The following DLGAP2 variants were observed in gnomAD, a reference collection of about 807,000 sequenced individuals.
DLGAP2 encodes disks large-associated protein 2.
In DLGAP2, 26 loss-of-function variants were observed where a neutral mutation model predicts 100.3. The ratio of observed to expected loss-of-function variants is 0.26; its 90% CI spans 0.19 to 0.36. The LOEUF (loss-of-function observed/expected upper bound fraction) is 0.36, where lower values mean the gene tolerates loss of function less well. DLGAP2 is among the 10% of genes least tolerant of loss of function. The probability of loss-of-function intolerance (pLI) is 1.00; values close to 1 mark genes in which losing one functional copy is unlikely to be tolerated. For synonymous variants in DLGAP2, 886 were observed against 630.1 expected, an observed-to-expected ratio of 1.41 and a Z score of -6.08; for missense variants, 1,858 against 1,453.2, an observed-to-expected ratio of 1.28 and a Z score of -4.53.
At chr8:1,301,982 AATTAAGTC>A (rs1274852138) in intron 3 of DLGAP2, 2 of 152,198 alleles carry the variant, frequency 1.3e-5, no homozygotes, top group African/African-American at 4.8e-5. Flanking sequence ...AATCTTTGGT[AATTAAGTC>A]AGGTGTCGTG....
intron 1 of DLGAP2, among the ~76,000 whole-genome samples, chr8:826,882 C>G (rs117398058): frequency 0.011 from 1,696 of 152,302 alleles, 19 homozygotes; most frequent in Non-Finnish European, 0.017. Context: ...TCCAGCCTCG[C>G]ACCAGTCTTT....
intron 2 of DLGAP2, among the ~76,000 whole-genome samples, chr8:1,046,498 GAT>G (rs1405512331): frequency 6.6e-6 from 1 of 152,146 alleles, no homozygotes; most frequent in Non-Finnish European, 1.5e-5. Context: ...AATAAAAAGA[GAT>G]ATTAAAGAGA....
chr8:1,083,428 G>A (rs950096458), intron 2 of DLGAP2, among the ~76,000 whole-genome samples: 2 of 152,140 alleles, frequency 1.3e-5, no homozygotes, highest in Non-Finnish European at 2.9e-5. Flanking sequence ...CAGATCTTAC[G>A]GGGGGTTTGA....
intron 8 of DLGAP2, among the ~76,000 whole-genome samples, chr8:1,645,215 T>G (rs1798013693): frequency 6.6e-6 from 1 of 152,270 alleles, no homozygotes; most frequent in South Asian, 2.1e-4. Context: ...TACAATTTTT[T>G]AACCTTATAA....
Position 1,697,252 on chromosome 8 carries a change from C to T in DLGAP2, c.2902C>T (p.Arg968Trp), listed in dbSNP as rs756769347. The change falls in exon 14 of 15, where the codon CGG becomes TGG. Residue 968 changes from arginine (R) to tryptophan (W), a missense_variant. Transcript: ENST00000637795. ...DVSMKFDELQ[R>W]LRLNDWKMME... ...CAGCATGAAGTTCGACGAGCTGCAG[C>T]GGCTGCGGCTCAACGACTGGAAGAT... The T allele has an allele frequency of 2.2e-5, 35 of 1,610,358 alleles. No individual in the cohort carries two copies. The highest frequency in any genetic ancestry group is 6.7e-5 in the African/African-American group (5 of 74,854).
chr8:1,690,518 A>G (rs778874389), intron 12 of DLGAP2, among the ~76,000 whole-genome samples: 1 of 150,530 alleles, frequency 6.6e-6, no homozygotes, highest in Non-Finnish European at 1.5e-5. Flanking sequence ...CAGCCTGACC[A>G]ACATGGAAAA....
At chr8:881,666 A>ATGTATATGTATATATAT in intron 1 of DLGAP2, among the ~76,000 whole-genome samples, 1 of 131,074 alleles carries the variant, frequency 7.6e-6, no homozygotes, top group Admixed American at 8.1e-5. Context: ...CTTGTGGCTG[A>ATGTATATGTATATATAT]ACACACACAC....
At chr8:1,422,055 G>A (rs1375624520) in intron 3 of DLGAP2, among the ~76,000 whole-genome samples, 2 of 152,026 alleles carry the variant, frequency 1.3e-5, no homozygotes, top group African/African-American at 2.4e-5. Flanking sequence ...TCTAACACAC[G>A]CTAGGCACCG....
At chr8:959,683 A>G (rs1405563407) in intron 2 of DLGAP2, among the ~76,000 whole-genome samples, 2 of 152,184 alleles carry the variant, frequency 1.3e-5, no homozygotes, top group East Asian at 3.9e-4. Context: ...GAGTTAATTC[A>G]TCATGGGTGT....
In DLGAP2 at chr8:1,507,542, C is replaced by T. The variant is rs368244598; in HGVS notation, c.172+6111C>T. 2.0e-5 allele frequency among the ~76,000 whole-genome samples: 3 copies of T among 152,164 alleles called. No individual in the cohort carries two copies. In the East Asian group the frequency reaches 5.8e-4, roughly 29 times the overall value. ...TCCCCGCAAGCAGAGGGAGCCGGCT[C>T]CGGCCTCGGCCAGCCCCCAGGGCAG... On this transcript the variant is annotated intron_variant, in intron 4 of 14. Transcript: ENST00000637795.
intron 2 of DLGAP2, among the ~76,000 whole-genome samples, chr8:1,034,024 G>A (rs1802058140): frequency 7.5e-6 from 1 of 132,626 alleles, no homozygotes; most frequent in African/African-American, 3.0e-5. Context: ...ACCGCGAGTG[G>A]ATTCACACGC....
rs376126417 is a variant in DLGAP2, at chr8:910,951, C to T, written c.73+2985C>T. Among the ~76,000 whole-genome samples the T allele has an allele frequency of 9.2e-5, 14 of 152,216 alleles. 1 individual carries two copies. Among genetic ancestry groups the T allele is most frequent in the South Asian group, 8.3e-4 (4 of 4,820 alleles). ...CCACTTGCTGCTGGACTTGGGCTGT[C>T]GAGTTTCTGGTGGAACTCAAGGCAT... On this transcript the variant is annotated intron_variant, in intron 2 of 14. Transcript: ENST00000637795.
intron 2 of DLGAP2, among the ~76,000 whole-genome samples, chr8:1,093,666 C>T (rs374871278): frequency 1.4e-4 from 21 of 152,308 alleles, no homozygotes; most frequent in African/African-American, 4.8e-4. Flanking sequence ...GACAGAAACA[C>T]CTTCACACCA....
At chr8:1,183,204 T>C (rs1037857947) in intron 2 of DLGAP2, among the ~76,000 whole-genome samples, 7 of 151,920 alleles carry the variant, frequency 4.6e-5, no homozygotes, top group African/African-American at 1.7e-4. Flanking sequence ...AGAGGGCGTC[T>C]CGGAGCGGGG....
At chr8:791,927 C>T (rs536417412) in intron 1 of DLGAP2, among the ~76,000 whole-genome samples, 2 of 152,304 alleles carry the variant, frequency 1.3e-5, no homozygotes, top group African/African-American at 4.8e-5. Context: ...CTAACGACGT[C>T]GCATGTGTTT....
chr8:1,060,300 AGGCGGGCTCCCTCT>A (rs1315306983), intron 2 of DLGAP2, among the ~76,000 whole-genome samples: 1 of 150,868 alleles, frequency 6.6e-6, no homozygotes, highest in African/African-American at 2.4e-5. Flanking sequence ...TCCCCTCCCA[AGGCGGGCTCCCTCT>A]GGAGGCCCTG....
chr8:1,389,705 C>T (rs976324828), intron 3 of DLGAP2, among the ~76,000 whole-genome samples: 3 of 152,124 alleles, frequency 2.0e-5, no homozygotes, highest in Non-Finnish European at 4.4e-5. Context: ...ATGAGAACGT[C>T]CTCCAAGGAC....
chr8:1,387,975 G>A (rs906017905), intron 3 of DLGAP2, among the ~76,000 whole-genome samples: 1 of 152,250 alleles, frequency 6.6e-6, no homozygotes, highest in South Asian at 2.1e-4. Context: ...GAGGTCCCCA[G>A]CGCGTGAGCA....
At chr8:1,148,015 C>G (rs1217935379) in intron 2 of DLGAP2, among the ~76,000 whole-genome samples, 1 of 152,102 alleles carries the variant, frequency 6.6e-6, no homozygotes, top group African/African-American at 2.4e-5. Context: ...TTCTTTTTCT[C>G]TACTGTGAAG....
Sources: gnomAD v4.1 joint callset for allele counts (sites outside exome capture counted in the v4.1 genomes callset) on GRCh38, gnomAD v4.1.1 for gene constraint, MANE v1.5 for transcripts, NCBI Gene and HGNC (gene_info 2026-07-23, HGNC 2026-07-21) for gene names.